Variants in GSE1 observed in about 807,000 individuals in gnomAD.
GSE1 encodes the protein Gse1 coiled-coil protein, also known as genetic suppressor element 1.
Under a neutral mutation model 112.6 loss-of-function variants are expected in GSE1, and 32 were observed. The ratio of observed to expected loss-of-function variants is 0.28; its 90% CI spans 0.21 to 0.38. The LOEUF (loss-of-function observed/expected upper bound fraction) is 0.38. Ranked by LOEUF, GSE1 falls within the 10% of genes least tolerant of loss-of-function variation. The probability of loss-of-function intolerance (pLI) is 1.00; values close to 1 mark genes in which losing one functional copy is unlikely to be tolerated. For missense variants in GSE1, 2,348 were observed against 1,699.2 expected (o/e 1.38, Z -6.71); for synonymous variants, 1,115 against 735.6 (o/e 1.52, Z -8.35).
At chr16:85,371,635 AC>A (rs2047303256) in intron 2 of GSE1, among the ~76,000 whole-genome samples, 1 of 152,050 alleles carries the variant, frequency 6.6e-6, no homozygotes, top group African/African-American at 2.4e-5. Context: ...TGCTGCTGGC[AC>A]CCCTATTGTA....
chr16:85,573,049 T>C (rs1338282434), intron 1 of GSE1, among the ~76,000 whole-genome samples: 2 of 152,222 alleles, frequency 1.3e-5, no homozygotes, highest in African/African-American at 4.8e-5. Context: ...TTTGTATTTT[T>C]AGTAGGGTTT....
At chr16:85,492,582 G>A (rs903520953) in intron 2 of GSE1, among the ~76,000 whole-genome samples, 4 of 152,168 alleles carry the variant, frequency 2.6e-5, no homozygotes, top group African/African-American at 9.7e-5. Flanking sequence ...TGGACGACTA[G>A]GGCCCAGAGA....
At chr16:85,291,294 C>T (rs1051154056) in intron 1 of GSE1, among the ~76,000 whole-genome samples, 12 of 152,198 alleles carry the variant, frequency 7.9e-5, no homozygotes, top group Non-Finnish European at 1.8e-4. Context: ...CACCCTCCTC[C>T]TCCCTGTCCC....
intron 2 of GSE1, among the ~76,000 whole-genome samples, chr16:85,535,415 C>G (rs913620048): frequency 6.6e-6 from 1 of 152,360 alleles, no homozygotes; most frequent in Non-Finnish European, 1.5e-5. Flanking sequence ...TTCTCTACCC[C>G]GCCTGGGTTA....
At chr16:85,297,649 G>A (rs567377342) in intron 1 of GSE1, among the ~76,000 whole-genome samples, 1 of 152,204 alleles carries the variant, frequency 6.6e-6, no homozygotes, top group Admixed American at 6.5e-5. Flanking sequence ...ACAGGCACAT[G>A]CCACCCAAAG....
intron 1 of GSE1, among the ~76,000 whole-genome samples, chr16:85,195,892 C>T (rs886356646): frequency 1.3e-5 from 2 of 152,188 alleles, no homozygotes. Context: ...TTCTGACCTG[C>T]AGCCCCTGGT....
At chr16:85,434,839 C>T (rs2049207023) in intron 2 of GSE1, among the ~76,000 whole-genome samples, 1 of 152,174 alleles carries the variant, frequency 6.6e-6, no homozygotes. Context: ...AGTATCAGAG[C>T]CAGAATGGAA....
chr16:85,246,272 CACCCCACACGCTGTCT>C (rs1445613265), intron 1 of GSE1, among the ~76,000 whole-genome samples: 10 of 143,212 alleles, frequency 7.0e-5, no homozygotes, highest in African/African-American at 2.4e-4. Context: ...CACACACACA[CACCCCACACGCTGTCT>C]ACACACACCC....
At chr16:85,279,449 G>A (rs190937674) in intron 1 of GSE1, among the ~76,000 whole-genome samples, 2 of 152,114 alleles carry the variant, frequency 1.3e-5, no homozygotes, top group African/African-American at 2.4e-5. Flanking sequence ...TCTACAAAAA[G>A]TACAAAAATT....
At chr16:85,188,319 A>T (rs1421893548) in intron 1 of GSE1, among the ~76,000 whole-genome samples, 1 of 152,208 alleles carries the variant, frequency 6.6e-6, no homozygotes, top group African/African-American at 2.4e-5. Flanking sequence ...ATTACAGTAG[A>T]GTGTGTGTCA....
Position 85,281,697 on chromosome 16 carries a change from A to G in GSE1, c.2284-75766A>G, listed in dbSNP as rs145105306. Among the ~76,000 whole-genome samples, 530 of 152,326 alleles carry G rather than the reference A, an allele frequency of 3.5e-3. 3 individuals are homozygous for G. The highest frequency in any genetic ancestry group is 0.012 in the African/African-American group (498 of 41,582). On this transcript the variant is annotated intron_variant, in intron 1 of 2. Coordinates refer to the GSE1 transcript ENST00000637419. Reference sequence around the variant, plus strand: ...GTCACCGTGGGCAAAACCAAGGTGCATGGACGTGGTTTTCAGGGTGTCAGC... The same window carrying G: ...GTCACCGTGGGCAAAACCAAGGTGCGTGGACGTGGTTTTCAGGGTGTCAGC...
intron 14 of GSE1, among the ~76,000 whole-genome samples, chr16:85,670,314 C>A (rs2053226578): frequency 6.6e-6 from 1 of 152,144 alleles, no homozygotes; most frequent in African/African-American, 2.4e-5. Context: ...GGGCCCTTGT[C>A]TGTGAAACTT....
intron 1 of GSE1, among the ~76,000 whole-genome samples, chr16:85,271,331 CTGTT>C (rs1192770851): frequency 1.3e-5 from 2 of 152,218 alleles, no homozygotes; most frequent in African/African-American, 4.8e-5. Flanking sequence ...GCGCTCCTGC[CTGTT>C]TGACATCTCT....
At chr16:85,244,068 G>T (rs183404822) in intron 1 of GSE1, among the ~76,000 whole-genome samples, 4 of 152,208 alleles carry the variant, frequency 2.6e-5, no homozygotes, top group Non-Finnish European at 5.9e-5. Flanking sequence ...AGAGGTTGCC[G>T]TGAGCGGAGA....
At chr16:85,387,291 C>T (rs184958575) in intron 2 of GSE1, among the ~76,000 whole-genome samples, 5 of 152,248 alleles carry the variant, frequency 3.3e-5, no homozygotes, top group Non-Finnish European at 5.9e-5. Flanking sequence ...ACTTTCCCGA[C>T]GCCTTGCCAT....
At position 85,647,618 on chromosome 16, in the gene GSE1, C is replaced by T. The variant is rs141297635; in HGVS notation, c.227-934C>T. Among the ~76,000 whole-genome samples, 1,132 of 152,256 alleles carry T rather than the reference C, an allele frequency of 7.4e-3. 14 individuals carry two copies. Among genetic ancestry groups the T allele is most frequent in the African/African-American group, 0.026 (1,084 of 41,546 alleles). On this transcript the variant is annotated intron_variant, in intron 2 of 15. Transcript: ENST00000253458. Reference sequence around the variant, plus strand: ...CTTTTTTTGTTTTGAGACGAAGTCTCGCTCTGTCGCCAGGCTGGAGTGCGG... The same window carrying T: ...CTTTTTTTGTTTTGAGACGAAGTCTTGCTCTGTCGCCAGGCTGGAGTGCGG...
intron 1 of GSE1, among the ~76,000 whole-genome samples, chr16:85,328,103 G>A (rs1484355612): frequency 6.6e-6 from 1 of 152,248 alleles, no homozygotes; most frequent in Non-Finnish European, 1.5e-5. Context: ...TGCAGTAGGT[G>A]CTCAATAAAT....
At chr16:85,323,462 A>G (rs2046159041) in intron 1 of GSE1, among the ~76,000 whole-genome samples, 1 of 152,048 alleles carries the variant, frequency 6.6e-6, no homozygotes, top group South Asian at 2.1e-4. Flanking sequence ...AAGAAGGGAG[A>G]CAGGCCCAGA....
chr16:85,199,411 G>A (rs1363839227), intron 1 of GSE1, among the ~76,000 whole-genome samples: 2 of 152,114 alleles, frequency 1.3e-5, no homozygotes, highest in Non-Finnish European at 2.9e-5. Flanking sequence ...TCCACTGGTG[G>A]GACTCACGGG....
Sources: gnomAD v4.1 joint callset for allele counts (sites outside exome capture counted in the v4.1 genomes callset) on GRCh38, gnomAD v4.1.1 for gene constraint, MANE v1.5 for transcripts, NCBI Gene and HGNC (gene_info 2026-07-23, HGNC 2026-07-21) for gene names.